The following SPATA16 variants were observed in gnomAD, a reference collection of about 807,000 sequenced individuals.
The protein encoded by SPATA16 is spermatogenesis-associated protein 16.
SPATA16 carries 36 observed loss-of-function variants against 63.3 expected under a neutral mutation model. The ratio of observed to expected loss-of-function variants is 0.57; its 90% CI spans 0.44 to 0.75. The LOEUF (loss-of-function observed/expected upper bound fraction) is 0.75, where lower values mean the gene tolerates loss of function less well. SPATA16 is among the 30% of genes least tolerant of loss of function. SPATA16 has a pLI of 0.00. For synonymous variants in SPATA16, 203 were observed against 216.7 expected (o/e 0.94, Z 0.56); for missense variants, 646 against 679.3 (o/e 0.95, Z 0.54).
intron 1 of SPATA16, among the ~76,000 whole-genome samples, chr3:173,125,494 C>A (rs1264750139): frequency 6.6e-6 from 1 of 152,172 alleles, no homozygotes; most frequent in Non-Finnish European, 1.5e-5. Flanking sequence ...ATATCTTTCC[C>A]CCTTGGTCTA....
At chr3:173,011,527 G>A (rs1735074597) in intron 4 of SPATA16, among the ~76,000 whole-genome samples, 1 of 152,174 alleles carries the variant, frequency 6.6e-6, no homozygotes, top group African/African-American at 2.4e-5. Context: ...ATGGGCAAAA[G>A]CTGGAAGCAT....
intron 2 of SPATA16, among the ~76,000 whole-genome samples, chr3:173,073,413 G>T (rs1028623055): frequency 6.6e-6 from 1 of 152,328 alleles, no homozygotes; most frequent in South Asian, 2.1e-4. Context: ...AGGAAAAATG[G>T]TTTTATGGGC....
intron 2 of SPATA16, among the ~76,000 whole-genome samples, chr3:173,070,650 G>A (rs138633673): frequency 6.6e-5 from 10 of 152,188 alleles, no homozygotes; most frequent in African/African-American, 9.6e-5. Context: ...ACAAAAGTCC[G>A]AAGCATTTCT....
At chr3:172,909,415 G>A (rs1732313131) in intron 10 of SPATA16, among the ~76,000 whole-genome samples, 1 of 152,108 alleles carries the variant, frequency 6.6e-6, no homozygotes, top group African/African-American at 2.4e-5. Flanking sequence ...CCTTTAAGAG[G>A]ATTGATGGTT....
intron 8 of SPATA16, among the ~76,000 whole-genome samples, chr3:172,923,223 A>G (rs984930433): frequency 2.6e-5 from 4 of 152,222 alleles, no homozygotes; most frequent in Non-Finnish European, 4.4e-5. Context: ...ATTAATAGAA[A>G]TATAGAGGAG....
At chr3:173,016,477 A>G (rs774934172) in intron 4 of SPATA16, among the ~76,000 whole-genome samples, 1 of 152,204 alleles carries the variant, frequency 6.6e-6, no homozygotes, top group Non-Finnish European at 1.5e-5. Flanking sequence ...ATATACCTTT[A>G]TCTTGGATAA....
chr3:173,091,640 T>C (rs571342477), intron 2 of SPATA16, among the ~76,000 whole-genome samples: 1 of 152,246 alleles, frequency 6.6e-6, no homozygotes, highest in South Asian at 2.1e-4. Flanking sequence ...GACATTTTTC[T>C]AAGTGCTAGA....
intron 4 of SPATA16, among the ~76,000 whole-genome samples, chr3:173,003,534 C>T: frequency 6.6e-6 from 1 of 152,194 alleles, no homozygotes; most frequent in East Asian, 1.9e-4. Context: ...TCAGTTTGCT[C>T]ACCTACCAAA....
At chr3:173,119,184 A>G (rs1443941054) in intron 1 of SPATA16, among the ~76,000 whole-genome samples, 2 of 152,192 alleles carry the variant, frequency 1.3e-5, no homozygotes, top group African/African-American at 4.8e-5. Context: ...GAGGGAGAGC[A>G]TTAGGACAAA....
chr3:173,032,799 T>C (rs1398972947), intron 3 of SPATA16, among the ~76,000 whole-genome samples: 1 of 152,178 alleles, frequency 6.6e-6, no homozygotes. Flanking sequence ...TGGGAAGTAA[T>C]ACTCACCGTT....
intron 4 of SPATA16, among the ~76,000 whole-genome samples, chr3:172,998,480 G>A (rs896288739): frequency 6.6e-6 from 1 of 151,984 alleles, no homozygotes; most frequent in East Asian, 1.9e-4. Context: ...TCATGTCATT[G>A]GCAGACAAAG....
chr3:173,062,693 G>C (rs1052838546), intron 2 of SPATA16, among the ~76,000 whole-genome samples: 2 of 152,122 alleles, frequency 1.3e-5, no homozygotes, highest in African/African-American at 2.4e-5. Context: ...GGCCATGAAT[G>C]TTAGTCACAA....
intron 9 of SPATA16, among the ~76,000 whole-genome samples, chr3:172,915,751 A>G (rs1013480770): frequency 5.9e-5 from 9 of 152,148 alleles, no homozygotes; most frequent in Admixed American, 1.3e-4. Flanking sequence ...TGGTTTTCTG[A>G]ATAAACTCAT....
At chr3:172,928,616 TAGG>T (rs1732794123) in intron 6 of SPATA16, among the ~76,000 whole-genome samples, 1 of 152,204 alleles carries the variant, frequency 6.6e-6, no homozygotes, top group African/African-American at 2.4e-5. Context: ...GATAGATAGA[TAGG>T]AGAGCAATAC....
intron 10 of SPATA16, among the ~76,000 whole-genome samples, chr3:172,909,690 T>C (rs1223954845): frequency 6.6e-6 from 1 of 152,226 alleles, no homozygotes; most frequent in African/African-American, 2.4e-5. Flanking sequence ...CTGCATGAGA[T>C]GCATTGAGTA....
At chr3:172,983,144 A>G (rs368325829) in intron 4 of SPATA16, among the ~76,000 whole-genome samples, 1 of 152,224 alleles carries the variant, frequency 6.6e-6, no homozygotes, top group African/African-American at 2.4e-5. Flanking sequence ...TTTCAGAGCC[A>G]TAAATAGCAT....
intron 2 of SPATA16, among the ~76,000 whole-genome samples, chr3:173,064,260 A>G (rs182642900): frequency 2.5e-4 from 37 of 147,658 alleles, no homozygotes; most frequent in Non-Finnish European, 4.6e-4. Flanking sequence ...GTGAGCCGAG[A>G]TCACACCACT....
At chr3:173,135,231 A>T (rs867744767) in intron 1 of SPATA16, among the ~76,000 whole-genome samples, 1 of 152,232 alleles carries the variant, frequency 6.6e-6, no homozygotes, top group African/African-American at 2.4e-5. Flanking sequence ...TTAGTCATCA[A>T]TGGAATGCAA....
intron 2 of SPATA16, among the ~76,000 whole-genome samples, chr3:173,062,805 A>G (rs961404711): frequency 2.6e-5 from 4 of 152,202 alleles, no homozygotes; most frequent in African/African-American, 9.7e-5. Context: ...TGGTTTCGTG[A>G]CAAAACAGTT....
Sources: gnomAD v4.1 joint callset for allele counts (sites outside exome capture counted in the v4.1 genomes callset) on GRCh38, gnomAD v4.1.1 for gene constraint, MANE v1.5 for transcripts, NCBI Gene and HGNC (gene_info 2026-07-23, HGNC 2026-07-21) for gene names.